CHPF2: variants seen among roughly 807,000 people sequenced by gnomAD.
CHPF2 encodes the protein chondroitin polymerizing factor 2, non-catalytic subunit.
In CHPF2, 58 loss-of-function variants were observed where a neutral mutation model predicts 63.0. That is an observed-to-expected ratio of 0.92 (90% CI 0.75 to 1.15). CHPF2 has a LOEUF of 1.15. CHPF2 is among the 50% of genes most tolerant of loss of function. The pLI, the probability that CHPF2 is intolerant of heterozygous loss-of-function variation, is 0.00. For synonymous variants in CHPF2, 442 were observed against 438.0 expected (o/e 1.01, Z -0.11); for missense variants, 1,045 against 1,035.4 (o/e 1.01, Z -0.13).
At chr7:151,234,399 C>T in intron 1 of CHPF2, 125 bp downstream of exon 1, 1 of 634,478 alleles carries the variant, frequency 1.6e-6, no homozygotes, top group Non-Finnish European at 2.4e-6. Flanking sequence ...GGCTTATTTT[C>T]CATCATGGTT....
chr7:151,237,818 GCCA>G lies in CHPF2; in HGVS notation c.1459_1461del (p.Thr487del), dbSNP rs969808978. 1 of 1,612,542 alleles carries G rather than the reference GCCA, an allele frequency of 6.2e-7. No homozygotes were observed. The highest frequency in any genetic ancestry group is 1.3e-5 in the African/African-American group (1 of 74,932). On this transcript the variant is annotated inframe_deletion, in exon 4 of 4. Transcript: ENST00000035307. ...CCTACCTATGCCCTATGTCACTGAGGCCACCCGAGTGCAGCTGGTGCTGCCACT... is the reference window on the plus strand; with the variant it reads ...CCTACCTATGCCCTATGTCACTGAGGCCCGAGTGCAGCTGGTGCTGCCACT...
At chr7:151,234,951 C>T (rs1267581149) in intron 1 of CHPF2, 97 bp from the exon 2 acceptor site, 2 of 940,250 alleles carry the variant, frequency 2.1e-6, no homozygotes, top group Non-Finnish European at 3.2e-6. Context: ...TCTCCCTTCT[C>T]AGCCCCAACT....
In CHPF2 at chr7:151,236,550, T is replaced by G; in HGVS notation, c.971T>G (p.Leu324Arg). ...MYRLHKRFSA[L>R]ELERAYSEIE... ...CGGCTCCACAAACGCTTCAGCGCTC[T>G]GGAGTTGGAGCGGGCTTACAGTGAA... The change falls in exon 3 of 4, where the codon CTG becomes CGG. Residue 324 changes from leucine to arginine, a missense_variant. Leu to Arg is a moderately radical substitution (Grantham distance 102). Coordinates refer to ENST00000035307, the MANE Select transcript of CHPF2 (RefSeq NM_019015.3). The G allele has an allele frequency of 6.2e-7, 1 of 1,601,764 alleles. No individual in the cohort carries two copies. The highest frequency in any genetic ancestry group is 2.2e-5 in the East Asian group (1 of 44,506).
At chr7:151,234,901 T>G (rs775776138) in intron 1 of CHPF2, 147 bp from the exon 2 acceptor site, 2 of 580,584 alleles carry the variant, frequency 3.4e-6, no homozygotes, top group East Asian at 5.8e-5. Flanking sequence ...TAGTGGATAC[T>G]CAGTTCAGTA....
rs1434379511 is a variant in CHPF2 at position 151,233,139 on chromosome 7, C to A, written c.-873C>A. On this transcript the variant is annotated 5_prime_UTR_variant, in exon 1 of 4. Transcript: ENST00000035307. ...TGCTTTTGGTTTGCTTCATTTGGCC[C>A]CTGGGGCCCTGGTAAAACCAGGCAC... is the stretch of plus-strand genomic sequence containing the variant. The A allele has an allele frequency of 9.1e-7, 1 of 1,099,730 alleles. No homozygotes were observed. The highest frequency in any genetic ancestry group is 1.1e-6 in the Non-Finnish European group (1 of 903,470). 68.1% of individuals were successfully genotyped at this position (1,099,730 alleles called of 1,614,324 possible).
rs1412708381 is a variant in CHPF2 at position 151,235,193 on chromosome 7, C to T, written c.409C>T (p.Gln137Ter). The change falls in exon 2 of 4, where the codon CAG (glutamine) becomes TAG (stop). Residue 137 changes from glutamine (Q) to a stop codon, truncating the protein, a stop_gained. Coordinates refer to ENST00000035307, the MANE Select transcript of CHPF2 (RefSeq NM_019015.3). LOFTEE classifies it high-confidence loss of function. ...HFPRLLYFTG[Q>*]RGARAPAGMQ... ...CCCTCGGTTACTCTACTTCACTGGG[C>T]AGCGGGGGGCCCGGGCTCCAGCAGG... 1 of 1,613,044 alleles carries T rather than the reference C, an allele frequency of 6.2e-7. No individual in the cohort carries two copies. Among genetic ancestry groups the T allele is most frequent in the Admixed American group, 1.7e-5 (1 of 59,954 alleles).
Position 151,238,525 on chromosome 7 carries a change from G to A in CHPF2, c.2163G>A (p.Glu721=), listed in dbSNP as rs759414987. ...FSGLHLFRAV[E]PGLVQKFSLR... Reference sequence around the variant, plus strand: ...GGCTCCACCTCTTTCGGGCCGTAGAGCCAGGGCTGGTGCAGAAGTTCTCCC... The same window carrying A: ...GGCTCCACCTCTTTCGGGCCGTAGAACCAGGGCTGGTGCAGAAGTTCTCCC... Residue 721 remains glutamate, a synonymous_variant, in exon 4 of 4, where the codon GAG becomes GAA. Coordinates refer to ENST00000035307, the MANE Select transcript of CHPF2 (RefSeq NM_019015.3). The A allele has an allele frequency of 1.2e-6, 2 of 1,608,744 alleles. No individual in the cohort carries two copies. The highest frequency in any genetic ancestry group is 1.3e-5 in the African/African-American group (1 of 74,830).
intron 3 of CHPF2, 109 bp from the exon 4 acceptor site, chr7:151,237,265 G>A: frequency 1.3e-6 from 1 of 767,124 alleles, no homozygotes; most frequent in East Asian, 2.6e-5. Flanking sequence ...ACTAAGTGTT[G>A]ATGGAGTTAG....
chr7:151,236,269 AGGTGCTGGAAAG>A, intron 2 of CHPF2, 127 bp from the exon 3 acceptor site: 1 of 658,194 alleles, frequency 1.5e-6, no homozygotes, highest in Non-Finnish European at 2.4e-6. Context: ...GGGTTAAGCG[AGGTGCTGGAAAG>A]GGTGCCTCTT....
rs1455430386 is a variant in CHPF2 at position 151,232,763 on chromosome 7, C to G, written c.-1249C>G. On this transcript the variant is annotated 5_prime_UTR_variant, in exon 1 of 4. Transcript: ENST00000035307. ...CCTCCTGGTCCTGCGCTCGCGGCCT[C>G]GATGCTGTCTCTGGCGCGGCCTCCG... 3.2e-5 allele frequency: 48 copies of G among 1,508,714 alleles called. No homozygotes were observed. The highest frequency in any genetic ancestry group is 7.0e-6 in the Non-Finnish European group (8 of 1,135,062). 93.5% of individuals were successfully genotyped at this position (1,508,714 alleles called of 1,614,324 possible).
chr7:151,237,356 G>A lies in CHPF2; in HGVS notation c.1012-18G>A. 1.3e-6 allele frequency: 2 copies of A among 1,564,946 alleles called. No homozygotes were observed. Among genetic ancestry groups the A allele is most frequent in the Non-Finnish European group, 8.7e-7 (1 of 1,150,668 alleles). On this transcript the variant is annotated intron_variant, in intron 3 of 3. Transcript: ENST00000035307. The stretch of plus-strand genomic sequence containing the variant: ...CCTGGAGCTGGCACTAATGTGAGGT[G>A]CATTCCCTCCAACCCAGGCTCAGAT...
chr7:151,233,049 C>T lies in CHPF2; in HGVS notation c.-963C>T, dbSNP rs950562673. 1.6e-6 allele frequency: 2 copies of T among 1,256,220 alleles called. No homozygotes were observed. The highest frequency in any genetic ancestry group is 3.1e-5 in the African/African-American group (2 of 64,398). 77.8% of individuals were successfully genotyped at this position (1,256,220 alleles called of 1,614,324 possible). A position where few individuals can be genotyped will look rare whatever the true frequency, so the allele number is the denominator to read the frequency against. On this transcript the variant is annotated 5_prime_UTR_variant, in exon 1 of 4. Transcript: ENST00000035307. ...CGGCAGGGGTCCTGTCGGAAGCTGG[C>T]CGCGCTTCTGTTTGCGTTCCCAGGA...
Position 151,234,249 on chromosome 7 carries a change from A to G in CHPF2, c.238A>G (p.Asn80Asp). The G allele has an allele frequency of 6.2e-7, 1 of 1,601,444 alleles. No individual in the cohort carries two copies. Among genetic ancestry groups the G allele is most frequent in the Non-Finnish European group, 8.5e-7 (1 of 1,173,812 alleles). ...GATTGTCCCCTACTACAGGGACCCC[A>G]ACAAGCCCTACAAGAAGGTGCTCAG... ...PRIVPYYRDP[N>D]KPYKKVLRTR... is the part of the protein sequence containing the mutation. The change falls in exon 1 of 4, where the codon AAC (asparagine) becomes GAC (aspartate). Residue 80 changes from asparagine (N) to aspartate (D), a missense_variant. Transcript: ENST00000035307.
intron 1 of CHPF2, 113 bp downstream of exon 1, chr7:151,234,387 C>A: frequency 1.3e-6 from 1 of 745,720 alleles, no homozygotes; most frequent in South Asian, 3.4e-5. Context: ...TGGAGCAATT[C>A]TGGCTTATTT....
In CHPF2 at chr7:151,238,783, T is replaced by C. The variant is rs937539144; in HGVS notation, c.*102T>C. 2 of 1,566,722 alleles carry C rather than the reference T, an allele frequency of 1.3e-6. No individual in the cohort carries two copies. Among genetic ancestry groups the C allele is most frequent in the Admixed American group, 1.8e-5 (1 of 54,516 alleles). On this transcript the variant is annotated 3_prime_UTR_variant, in exon 4 of 4. Coordinates refer to ENST00000035307, the MANE Select transcript of CHPF2 (RefSeq NM_019015.3). ...CAGATAGAGAATTGTTGCTGTATTT[T>C]TTAAATATGAAAATGTTATTAAACA...
At position 151,238,253 on chromosome 7, in the gene CHPF2, T is replaced by A; in HGVS notation, c.1891T>A (p.Ser631Thr). ...VHFQEFNPAL[S>T]PQRSPPGPPG... ...TTTCCAGGAGTTCAATCCTGCCCTG[T>A]CACCACAGAGATCACCCCCAGGGCC... The change falls in exon 4 of 4, where the codon TCA (serine) becomes ACA (threonine). Residue 631 changes from serine (S) to threonine (T), a missense_variant. Physicochemically the swap from Ser to Thr is moderately conservative, Grantham distance 58. Coordinates refer to ENST00000035307, the MANE Select transcript of CHPF2 (RefSeq NM_019015.3). 1 of 1,612,804 alleles carries A rather than the reference T, an allele frequency of 6.2e-7. No individual in the cohort carries two copies. Among genetic ancestry groups the A allele is most frequent in the Non-Finnish European group, 8.5e-7 (1 of 1,179,956 alleles).
chr7:151,236,007 C>T (rs1218868467), intron 2 of CHPF2, among the ~76,000 whole-genome samples: 1 of 152,150 alleles, frequency 6.6e-6, no homozygotes, highest in Admixed American at 6.6e-5. Flanking sequence ...AGTGGAAGAA[C>T]CCAGAGGTGG....
In CHPF2 at chr7:151,233,851, G is replaced by T. The variant is rs184568642; in HGVS notation, c.-161G>T. On this transcript the variant is annotated 5_prime_UTR_variant, in exon 1 of 4. Coordinates refer to ENST00000035307, the MANE Select transcript of CHPF2 (RefSeq NM_019015.3). ...GTGAAGACAGGACAATCTTCTTGGG[G>T]ATGCTGGTCCTGGAAGCCAGCGGGC... The T allele has an allele frequency of 1.0e-4, 132 of 1,268,728 alleles. No individual in the cohort carries two copies. The East Asian group carries it at 4.0e-3, about 39-fold the overall frequency. The allele number at this position is 1,268,728 out of a possible 1,614,324, so 78.6% of individuals were successfully genotyped here.
Position 151,238,752 on chromosome 7 carries a change from G to T in CHPF2, c.*71G>T, listed in dbSNP as rs1317183323. 3.8e-6 allele frequency: 6 copies of T among 1,596,120 alleles called. No individual in the cohort carries two copies. The highest frequency in any genetic ancestry group is 3.4e-5 in the Admixed American group (2 of 58,060). ...AGCCCCAGGAAGGGCAAGGCAAGATGGTGGACAGATAGAGAATTGTTGCTG... is the reference window on the plus strand; with the variant it reads ...AGCCCCAGGAAGGGCAAGGCAAGATTGTGGACAGATAGAGAATTGTTGCTG... On this transcript the variant is annotated 3_prime_UTR_variant, in exon 4 of 4. Transcript: ENST00000035307.
Sources: gnomAD v4.1 joint callset for allele counts (sites outside exome capture counted in the v4.1 genomes callset) on GRCh38, gnomAD v4.1.1 for gene constraint, MANE v1.5 for transcripts, NCBI Gene and HGNC (gene_info 2026-07-23, HGNC 2026-07-21) for gene names.